COL5A1: variants seen among roughly 807,000 people sequenced by gnomAD.
The protein encoded by COL5A1 is collagen type V alpha 1 chain.
In COL5A1, 16 loss-of-function variants were observed where a neutral mutation model predicts 263.7. The observed-to-expected ratio is 0.06, with a 90% confidence interval of 0.04 to 0.09. The LOEUF (loss-of-function observed/expected upper bound fraction) is 0.09, where lower values mean the gene tolerates loss of function less well. Ranked by LOEUF, COL5A1 falls within the 10% of genes least tolerant of loss-of-function variation. COL5A1 has a pLI of 1.00. For missense variants in COL5A1, 2,036 were observed against 2,540.5 expected, an observed-to-expected ratio of 0.80 and a Z score of 4.27; for synonymous variants, 1,012 against 1,004.5, an observed-to-expected ratio of 1.01 and a Z score of -0.14.
At chr9:134,660,073 C>A (rs997006608) in intron 1 of COL5A1, among the ~76,000 whole-genome samples, 3 of 152,198 alleles carry the variant, frequency 2.0e-5, no homozygotes, top group Non-Finnish European at 4.4e-5. Flanking sequence ...TCACAAAACC[C>A]CTCCTGGGTC....
intron 61 of COL5A1, among the ~76,000 whole-genome samples, chr9:134,823,854 ATGTGCATGTGTG>A (rs1377689336): frequency 2.9e-4 from 40 of 136,702 alleles, no homozygotes; most frequent in Admixed American, 2.9e-3. Flanking sequence ...CATGGTTTGT[ATGTGCATGTGTG>A]TGTGCATGAT....
chr9:134,680,789 G>T lies in COL5A1; in HGVS notation c.110-10123G>T, dbSNP rs1304926485. On this transcript the variant is annotated intron_variant, in intron 1 of 65. Coordinates refer to ENST00000371817, the MANE Select transcript of COL5A1 (RefSeq NM_000093.5). The surrounding 1 kb of genome is among the most constrained non-coding windows in gnomAD (Gnocchi z 5.9). ...CACAGGGGCAGAAGGACGGGTGAGGGCCGGGACTTTGACATCAGGCAGAGG... is the reference window on the plus strand; with the variant it reads ...CACAGGGGCAGAAGGACGGGTGAGGTCCGGGACTTTGACATCAGGCAGAGG... Among the ~76,000 whole-genome samples the T allele has an allele frequency of 6.6e-6, 1 of 152,210 alleles. No individual in the cohort carries two copies. The highest frequency in any genetic ancestry group is 1.5e-5 in the Non-Finnish European group (1 of 68,032).
intron 14 of COL5A1, among the ~76,000 whole-genome samples, chr9:134,753,013 C>T (rs1447591925): frequency 6.6e-6 from 1 of 152,058 alleles, no homozygotes; most frequent in Non-Finnish European, 1.5e-5. Context: ...CCAGGCTCCC[C>T]CTGCAGAGAA....
chr9:134,690,863 T>A (rs1042231217), intron 1 of COL5A1, 49 bp from the exon 2 acceptor site: 86 of 1,610,184 alleles, frequency 5.3e-5, no homozygotes, highest in Non-Finnish European at 7.3e-5. Flanking sequence ...TGTTCCCAGG[T>A]GCTCCTTTCC....
rs763583510 is a variant in COL5A1, at chr9:134,812,469, C to T, written c.3711C>T (p.Gly1237=). 1.2e-5 allele frequency: 20 copies of T among 1,613,896 alleles called. No individual in the cohort carries two copies. The highest frequency in any genetic ancestry group is 2.7e-5 in the African/African-American group (2 of 74,880). ...VGLQGLPGPP[G]EKGETGDVGQ... is the part of the protein sequence containing the mutation. ...CTCAGGGTTTGCCAGGACCTCCAGG[C>T]GAGAAGGGTGAGACAGGAGACGTGG... The change falls in exon 47 of 66, where the codon GGC becomes GGT. Residue 1237 remains glycine (G), a synonymous_variant. Coordinates refer to ENST00000371817, the MANE Select transcript of COL5A1 (RefSeq NM_000093.5).
chr9:134,762,204 C>T (rs542294439), intron 19 of COL5A1, among the ~76,000 whole-genome samples: 2 of 152,222 alleles, frequency 1.3e-5, no homozygotes, highest in African/African-American at 2.4e-5. Flanking sequence ...GTTACTCCAT[C>T]GGTCCTGCTG....
At chr9:134,743,612 C>A (rs1006307682) in intron 11 of COL5A1, among the ~76,000 whole-genome samples, 1 of 152,174 alleles carries the variant, frequency 6.6e-6, no homozygotes, top group Non-Finnish European at 1.5e-5. Context: ...CACAGGGGCA[C>A]CTCGCTCCCT....
intron 32 of COL5A1, among the ~76,000 whole-genome samples, chr9:134,792,890 TGC>T (rs919844397): frequency 1.9e-4 from 9 of 48,322 alleles, no homozygotes; most frequent in South Asian, 5.9e-4. Flanking sequence ...CACGTGTGTG[TGC>T]GCGCGTGTGT....
Position 134,785,082 on chromosome 9 carries a change from C to A in COL5A1, c.2578C>A (p.Pro860Thr). 6.2e-7 allele frequency: 1 copy of A among 1,612,562 alleles called. No homozygotes were observed. Among genetic ancestry groups the A allele is most frequent in the East Asian group, 2.2e-5 (1 of 44,864 alleles). ...CAATGGTGACCCCGGTCCTCTGGGACCCCCTGGGGAGAAGGTTTGTGATGT... is the reference window on the plus strand; with the variant it reads ...CAATGGTGACCCCGGTCCTCTGGGAACCCCTGGGGAGAAGGTTTGTGATGT... Reference protein sequence around the residue: ...GPNGDPGPLGPPGEKGKLGVP... With the variant: ...GPNGDPGPLGTPGEKGKLGVP... The change falls in exon 30 of 66, where the codon CCC becomes ACC. Residue 860 changes from proline (P) to threonine (T), a missense_variant. Around this residue, in one of 3 missense-constraint regions of COL5A1, gnomAD observed 1,078 missense variants for 1,521.4 expected, o/e 0.71. Transcript: ENST00000371817.
intron 62 of COL5A1, among the ~76,000 whole-genome samples, chr9:134,825,525 A>C (rs1839229586): frequency 6.6e-6 from 1 of 151,834 alleles, no homozygotes; most frequent in African/African-American, 2.4e-5. Flanking sequence ...AGTAGGCCGG[A>C]CCCCAACCCT....
At chr9:134,810,433 A>C (rs1838479946) in intron 44 of COL5A1, 125 bp downstream of exon 44, 2 of 912,574 alleles carry the variant, frequency 2.2e-6, no homozygotes, top group Non-Finnish European at 3.5e-6. Context: ...CATGCTGTGA[A>C]AATCTCCCGT....
intron 32 of COL5A1, among the ~76,000 whole-genome samples, chr9:134,790,724 ATTC>A (rs1477320650): frequency 2.7e-5 from 4 of 150,452 alleles, no homozygotes; most frequent in African/African-American, 7.4e-5. Flanking sequence ...TCCAGCTGTC[ATTC>A]TTCTTCTGGA....
rs781384526 is a variant in COL5A1 at position 134,757,428 on chromosome 9, C to T, written c.1881+610C>T. 3.9e-5 allele frequency among the ~76,000 whole-genome samples: 6 copies of T among 152,184 alleles called. No homozygotes were observed. Among genetic ancestry groups the T allele is most frequent in the Non-Finnish European group, 8.8e-5 (6 of 68,030 alleles). On this transcript the variant is annotated intron_variant, in intron 17 of 65. Transcript: ENST00000371817. This position sits in a 1 kb window ranked among gnomAD's most constrained non-coding sequence, Gnocchi z 6.2. ...CACGGGGGGCAGGGGAGATACTGAC[C>T]TTCCGTGAAGAGTGCACCTGGGGAC...
chr9:134,747,098 T>G (rs1835543359), intron 11 of COL5A1, among the ~76,000 whole-genome samples: 1 of 152,194 alleles, frequency 6.6e-6, no homozygotes. Flanking sequence ...AGGACTTGTG[T>G]CAAATTTGAA....
intron 10 of COL5A1, 80 bp from the exon 11 acceptor site, chr9:134,738,666 G>C: frequency 6.9e-7 from 1 of 1,451,614 alleles, no homozygotes; most frequent in Non-Finnish European, 9.7e-7. Flanking sequence ...CCCCACCTCT[G>C]CCTTGGTTGG....
rs10745388 is a variant in COL5A1, at chr9:134,819,115, G to A, written c.4446+62G>A. 0.49 allele frequency: 750,532 copies of A among 1,543,468 alleles called. 183,896 individuals carry two copies. Among genetic ancestry groups the A allele is most frequent in the Middle Eastern group, 0.53 (3,136 of 5,920 alleles). On this transcript the variant is annotated intron_variant, in intron 57 of 65. Transcript: ENST00000371817. ...GGGGCCTTCAAATTTGTGGCCGTGG[G>A]TCTCAAACTCAACAAGCTCTTGATC...
chr9:134,840,037 G>A (rs1192419296), intron 65 of COL5A1, among the ~76,000 whole-genome samples: 1 of 152,250 alleles, frequency 6.6e-6, no homozygotes, highest in Non-Finnish European at 1.5e-5. Context: ...CCCATGGCGA[G>A]GTCCTTTAGG....
intron 26 of COL5A1, among the ~76,000 whole-genome samples, chr9:134,773,679 C>T (rs1185223680): frequency 6.6e-6 from 1 of 152,170 alleles, no homozygotes; most frequent in East Asian, 1.9e-4. Flanking sequence ...CCCAGCTCCC[C>T]TTGCCAAGGG....
rs536433717 is a variant in COL5A1 at position 134,696,044 on chromosome 9, C to T, written c.278-3865C>T. On this transcript the variant is annotated intron_variant, in intron 2 of 65. Coordinates refer to ENST00000371817, the MANE Select transcript of COL5A1 (RefSeq NM_000093.5). The surrounding 1 kb of genome is among the most constrained non-coding windows in gnomAD (Gnocchi z 4.3). ...CGGCCCCTCCTGGGCTGCCAGGGTC[C>T]AGCTGAAACCTCAGCCGCCCCCCAG... is the stretch of plus-strand genomic sequence containing the variant. 3.9e-5 allele frequency among the ~76,000 whole-genome samples: 6 copies of T among 152,316 alleles called. No homozygotes were observed. The South Asian group carries it at 1.2e-3, about 32-fold the overall frequency.
Sources: allele counts gnomAD v4.1 joint callset (sites outside exome capture counted in the v4.1 genomes callset), GRCh38; gene constraint gnomAD v4.1.1; regional missense constraint gnomAD v4.1.1; non-coding constraint Gnocchi (gnomAD v3.1); transcripts MANE v1.5; gene names NCBI Gene and HGNC (gene_info 2026-07-23, HGNC 2026-07-21).